The following PCCA variants were observed in gnomAD, a reference collection of about 807,000 sequenced individuals.
PCCA encodes the protein propionyl-CoA carboxylase subunit alpha.
PCCA carries 74 observed loss-of-function variants against 101.3 expected under a neutral mutation model. The ratio of observed to expected loss-of-function variants is 0.73; its 90% CI spans 0.61 to 0.89. The LOEUF is 0.89. Among genes scored for constraint, PCCA ranks in the 40% least tolerant of loss-of-function variants. The pLI is 0.00. For synonymous variants in PCCA, 294 were observed against 313.6 expected, an observed-to-expected ratio of 0.94 and a Z score of 0.66; for missense variants, 891 against 907.0, an observed-to-expected ratio of 0.98 and a Z score of 0.23.
At chr13:100,168,239 A>G (rs1356234917) in intron 6 of PCCA, among the ~76,000 whole-genome samples, 1 of 152,198 alleles carries the variant, frequency 6.6e-6, no homozygotes, top group Admixed American at 6.5e-5. Context: ...ACAGTATACA[A>G]GATGTCAGAT....
Position 100,157,296 on chromosome 13 carries a change from G to A in PCCA, c.424G>A (p.Gly142Ser). The change falls in exon 6 of 24, where the codon GGT becomes AGT. Residue 142 changes from glycine (G) to serine (S), a missense_variant. Gly to Ser is a moderately conservative substitution (Grantham distance 56). Coordinates refer to ENST00000376285, the MANE Select transcript of PCCA (RefSeq NM_000282.4). Reference sequence around the variant, plus strand: ...TGCTTTCATTTCTAAGGTACATCCAGGTTATGGATTCCTTTCAGAAAACAA... The same window carrying A: ...TGCTTTCATTTCTAAGGTACATCCAAGTTATGGATTCCTTTCAGAAAACAA... ...KKTRAQAVHPGYGFLSENKEF... is the reference protein window; with the variant it reads ...KKTRAQAVHPSYGFLSENKEF... 6.2e-7 allele frequency: 1 copy of A among 1,610,456 alleles called. No individual in the cohort carries two copies. The highest frequency in any genetic ancestry group is 8.5e-7 in the Non-Finnish European group (1 of 1,176,886).
At chr13:100,436,902 C>G (rs564028299) in intron 20 of PCCA, among the ~76,000 whole-genome samples, 7 of 152,282 alleles carry the variant, frequency 4.6e-5, no homozygotes, top group African/African-American at 1.4e-4. Context: ...GTGGACCTCT[C>G]TTGATACAGA....
rs1186306266 is a variant in PCCA at position 100,357,456 on chromosome 13, A to T, written c.1644-11016A>T. On this transcript the variant is annotated intron_variant, in intron 18 of 23. Coordinates refer to ENST00000376285, the MANE Select transcript of PCCA (RefSeq NM_000282.4). ...TCCTGGGCTACCACCTGGAAGGTGG[A>T]AGTAGTAGATGTATGTGAACCCGCG... Among the ~76,000 whole-genome samples the T allele has an allele frequency of 2.6e-5, 4 of 152,332 alleles. No individual in the cohort carries two copies. The East Asian group carries it at 7.7e-4, about 29-fold the overall frequency.
intron 19 of PCCA, among the ~76,000 whole-genome samples, chr13:100,395,469 A>G (rs1365171273): frequency 6.6e-6 from 1 of 152,228 alleles, no homozygotes; most frequent in African/African-American, 2.4e-5. Context: ...GAGCAATAAT[A>G]GCAATAGGTC....
At chr13:100,369,012 GT>G (rs1211980011) in intron 19 of PCCA, among the ~76,000 whole-genome samples, 1 of 152,126 alleles carries the variant, frequency 6.6e-6, no homozygotes, top group Non-Finnish European at 1.5e-5. Context: ...CACTCTTTTT[GT>G]TTTGAAGAAC....
intron 6 of PCCA, among the ~76,000 whole-genome samples, chr13:100,157,889 T>A (rs747162706): frequency 1.3e-5 from 2 of 152,234 alleles, no homozygotes; most frequent in African/African-American, 2.4e-5. Context: ...TTTGTACATA[T>A]GTTTGTTATT....
At chr13:100,113,793 G>A (rs964625753) in intron 4 of PCCA, among the ~76,000 whole-genome samples, 2 of 151,866 alleles carry the variant, frequency 1.3e-5, no homozygotes, top group African/African-American at 4.8e-5. Flanking sequence ...TGGCCAGGCT[G>A]GTCTTGAACT....
At chr13:100,490,337 A>T (rs1039088820) in intron 21 of PCCA, 3 of 152,194 alleles carry the variant, frequency 2.0e-5, no homozygotes, top group African/African-American at 7.2e-5. Flanking sequence ...TTCCTCATGA[A>T]AATGGTCACC....
At chr13:100,381,604 T>A (rs1483243285) in intron 19 of PCCA, among the ~76,000 whole-genome samples, 2 of 152,248 alleles carry the variant, frequency 1.3e-5, no homozygotes, top group South Asian at 4.1e-4. Flanking sequence ...TCTTTATTAC[T>A]ATGGTGAATA....
chr13:100,337,511 G>A (rs763607791), intron 17 of PCCA, among the ~76,000 whole-genome samples: 4 of 152,182 alleles, frequency 2.6e-5, no homozygotes, highest in Non-Finnish European at 4.4e-5. Flanking sequence ...TGCTAAAATC[G>A]TTGTAAGAAT....
Position 100,235,885 on chromosome 13 carries a change from C to A in PCCA, c.637+7C>A. 4 of 1,587,986 alleles carry A rather than the reference C, an allele frequency of 2.5e-6. No individual in the cohort carries two copies. Among genetic ancestry groups the A allele is most frequent in the South Asian group, 2.2e-5 (2 of 90,526 alleles). On this transcript the variant is annotated splice_region_variant and intron_variant, in intron 8 of 23. Coordinates refer to ENST00000376285, the MANE Select transcript of PCCA (RefSeq NM_000282.4). ...AGAATTGCAAGGGAAATTGGTAAGT[C>A]CTTAAATTAACTTTGGTAGGATTTC...
chr13:100,169,535 T>A (rs1319373159), intron 6 of PCCA, among the ~76,000 whole-genome samples: 1 of 151,916 alleles, frequency 6.6e-6, no homozygotes, highest in African/African-American at 2.4e-5. Context: ...TTTATTTTAT[T>A]ATTATTTTTT....
At chr13:100,410,152 G>C (rs1432143499) in intron 19 of PCCA, among the ~76,000 whole-genome samples, 1 of 152,168 alleles carries the variant, frequency 6.6e-6, no homozygotes, top group Non-Finnish European at 1.5e-5. Flanking sequence ...GGATTCTTTG[G>C]TACAAAACGT....
chr13:100,387,101 G>A (rs960694604), intron 19 of PCCA, among the ~76,000 whole-genome samples: 1 of 152,300 alleles, frequency 6.6e-6, no homozygotes, highest in African/African-American at 2.4e-5. Flanking sequence ...TCCCACAGGT[G>A]TAAGTACACA....
intron 1 of PCCA, among the ~76,000 whole-genome samples, chr13:100,099,807 A>C (rs944580503): frequency 1.3e-5 from 2 of 152,132 alleles, no homozygotes; most frequent in African/African-American, 4.8e-5. Context: ...AGACATTCTC[A>C]TTTAATCCTC....
intron 12 of PCCA, among the ~76,000 whole-genome samples, chr13:100,288,716 C>A (rs1315263735): frequency 6.6e-6 from 1 of 152,190 alleles, no homozygotes; most frequent in Non-Finnish European, 1.5e-5. Context: ...ATCTTTGTAT[C>A]CAAGACACCT....
intron 19 of PCCA, among the ~76,000 whole-genome samples, chr13:100,376,979 G>A (rs1002135425): frequency 2.0e-5 from 3 of 152,192 alleles, no homozygotes; most frequent in East Asian, 1.9e-4. Flanking sequence ...TGTGAAGACC[G>A]TGGGAAACGC....
At chr13:100,425,849 C>T in intron 20 of PCCA, 118 bp downstream of exon 20, 2 of 719,544 alleles carry the variant, frequency 2.8e-6, no homozygotes, top group South Asian at 3.2e-5. Context: ...TCACCTTATA[C>T]TTTTTACAGT....
intron 6 of PCCA, among the ~76,000 whole-genome samples, chr13:100,206,231 TAGAGTCCTGTGGAC>T (rs2058843371): frequency 6.6e-6 from 1 of 152,298 alleles, no homozygotes; most frequent in South Asian, 2.1e-4. Flanking sequence ...AATATTATTT[TAGAGTCCTGTGGAC>T]CTAGCTATCT....
Sources: allele counts gnomAD v4.1 joint callset (sites outside exome capture counted in the v4.1 genomes callset), GRCh38; gene constraint gnomAD v4.1.1; transcripts MANE v1.5; gene names NCBI Gene and HGNC (gene_info 2026-07-23, HGNC 2026-07-21).